The following RALGAPA2 variants were observed in gnomAD, a reference collection of about 807,000 sequenced individuals.
RALGAPA2 encodes Ral GTPase activating protein catalytic subunit alpha 2.
Under a neutral mutation model 230.4 loss-of-function variants are expected in RALGAPA2, and 139 were observed. That is an observed-to-expected ratio of 0.60 (90% CI 0.53 to 0.69). The LOEUF is 0.69. RALGAPA2 is among the 30% of genes least tolerant of loss of function. RALGAPA2 has a pLI of 0.00. For missense variants in RALGAPA2, 2,163 were observed against 2,276.0 expected (o/e 0.95, Z 1.01); for synonymous variants, 847 against 837.8 (o/e 1.01, Z -0.19).
intron 6 of RALGAPA2, 142 bp downstream of exon 6, chr20:20,640,559 A>G: frequency 3.8e-6 from 3 of 790,268 alleles, no homozygotes; most frequent in Non-Finnish European, 5.9e-6. Flanking sequence ...AAGGTATGTA[A>G]GAATCTACAG....
intron 38 of RALGAPA2, among the ~76,000 whole-genome samples, chr20:20,400,233 G>A (rs545865003): frequency 4.6e-5 from 7 of 152,344 alleles, no homozygotes; most frequent in Admixed American, 1.3e-4. Context: ...ATGGCCCAAG[G>A]ATGGCTTCCA....
At chr20:20,667,903 G>A (rs1185146014) in intron 3 of RALGAPA2, among the ~76,000 whole-genome samples, 1 of 152,102 alleles carries the variant, frequency 6.6e-6, no homozygotes, top group Non-Finnish European at 1.5e-5. Context: ...TTTGCAGAGG[G>A]TCACTTTGGA....
At chr20:20,435,860 G>A (rs1408702981) in intron 37 of RALGAPA2, among the ~76,000 whole-genome samples, 4 of 152,204 alleles carry the variant, frequency 2.6e-5, no homozygotes, top group Non-Finnish European at 4.4e-5. Context: ...TCTGGATTGA[G>A]CTCACATGGA....
At chr20:20,698,086 A>G (rs2069188074) in intron 1 of RALGAPA2, among the ~76,000 whole-genome samples, 1 of 152,096 alleles carries the variant, frequency 6.6e-6, no homozygotes, top group South Asian at 2.1e-4. Flanking sequence ...AGAAAAAAAA[A>G]AGCCTAGTCT....
intron 31 of RALGAPA2, among the ~76,000 whole-genome samples, chr20:20,520,431 TG>T (rs926944609): frequency 2.0e-5 from 3 of 152,238 alleles, no homozygotes; most frequent in Admixed American, 2.0e-4. Context: ...CTCTCTGCTA[TG>T]AGCAGAGCAA....
intron 37 of RALGAPA2, among the ~76,000 whole-genome samples, chr20:20,456,617 G>C (rs567112217): frequency 8.3e-4 from 126 of 152,338 alleles, no homozygotes; most frequent in Middle Eastern, 3.4e-3. Context: ...TCAGAAGCCT[G>C]ACTGCTGCGA....
intron 15 of RALGAPA2, among the ~76,000 whole-genome samples, chr20:20,604,568 T>C (rs6035659): frequency 0.041 from 6,319 of 152,282 alleles, 170 homozygotes; most frequent in African/African-American, 0.065. Context: ...TCAATCACTG[T>C]AAGGCAACCT....
chr20:20,700,436 C>A (rs117613417), intron 1 of RALGAPA2, among the ~76,000 whole-genome samples: 1 of 152,072 alleles, frequency 6.6e-6, no homozygotes, highest in African/African-American at 2.4e-5. Flanking sequence ...TGCACATGTA[C>A]CCCCTGTACC....
chr20:20,544,687 G>C (rs1427786753), intron 24 of RALGAPA2, among the ~76,000 whole-genome samples: 1 of 152,168 alleles, frequency 6.6e-6, no homozygotes, highest in Non-Finnish European at 1.5e-5. Flanking sequence ...ATACTGTGCA[G>C]CCACAAAAAA....
chr20:20,651,276 A>G (rs2067386522), intron 4 of RALGAPA2, among the ~76,000 whole-genome samples: 1 of 152,148 alleles, frequency 6.6e-6, no homozygotes, highest in African/African-American at 2.4e-5. Context: ...ACCAATTTCC[A>G]CCCAATATGA....
intron 3 of RALGAPA2, among the ~76,000 whole-genome samples, chr20:20,658,746 T>C (rs2067673525): frequency 6.6e-6 from 1 of 152,122 alleles, no homozygotes. Context: ...CCAGGAATAA[T>C]GTGAAATGTA....
intron 36 of RALGAPA2, among the ~76,000 whole-genome samples, chr20:20,476,674 A>AAAATAAAT (rs557603048): frequency 0.077 from 10,691 of 139,312 alleles, 469 homozygotes; most frequent in East Asian, 0.11. Flanking sequence ...CATAAATCAT[A>AAAATAAAT]AAATAAATAA....
chr20:20,665,520 A>G (rs1051344226), intron 3 of RALGAPA2, among the ~76,000 whole-genome samples: 3 of 152,238 alleles, frequency 2.0e-5, no homozygotes, highest in Non-Finnish European at 2.9e-5. Context: ...TTTCTCACCT[A>G]TAAGTCTTGA....
At position 20,584,930 on chromosome 20, in the gene RALGAPA2, G is replaced by A. The variant is rs755750654; in HGVS notation, c.2465C>T (p.Pro822Leu). Residue 822 changes from proline to leucine, a missense_variant, in exon 19 of 40, where the codon CCT becomes CTT. Physicochemically the swap from Pro to Leu is moderately conservative, Grantham distance 98 (BLOSUM62 -3). Transcript: ENST00000202677. ...ATCATCTTTCAAATCCAATTCAGCA[G>A]GGCTGCTGCTTCTTCGAACTAAGAT... ...ITILVRRSSS[P>L]AELDLKDDLQ... 6.2e-6 allele frequency: 10 copies of A among 1,610,672 alleles called. No individual in the cohort carries two copies. Among genetic ancestry groups the A allele is most frequent in the Middle Eastern group, 1.6e-4 (1 of 6,068 alleles).
intron 37 of RALGAPA2, among the ~76,000 whole-genome samples, chr20:20,459,677 AT>A (rs1432538449): frequency 6.6e-6 from 1 of 152,178 alleles, no homozygotes; most frequent in Admixed American, 6.5e-5. Context: ...ATGGACACCA[AT>A]ATAATAAATT....
At chr20:20,584,764 G>A (rs2065083305) in intron 19 of RALGAPA2, 101 bp downstream of exon 19, 2 of 944,714 alleles carry the variant, frequency 2.1e-6, no homozygotes, top group Non-Finnish European at 3.1e-6. Context: ...CTGGGCGAAA[G>A]AGTGAGACTG....
intron 37 of RALGAPA2, among the ~76,000 whole-genome samples, chr20:20,413,269 AC>A (rs1276209743): frequency 1.3e-5 from 2 of 152,248 alleles, no homozygotes; most frequent in Non-Finnish European, 2.9e-5. Flanking sequence ...CTTTAAAAAT[AC>A]AAGTTGGTGA....
rs75265323 is a variant in RALGAPA2 at position 20,603,003 on chromosome 20, A to G, written c.2039-1157T>C. Among the ~76,000 whole-genome samples the G allele has an allele frequency of 1.4e-4, 22 of 152,252 alleles. No individual in the cohort carries two copies. The East Asian group carries it at 4.3e-3, about 29-fold the overall frequency. On this transcript the variant is annotated intron_variant, in intron 15 of 39. Transcript: ENST00000202677. ...GACTGTCTTAGGGAGGCAAGTTCCT[A>G]GTTGGAAGTATCTGGGTCCTCTCAG...
intron 37 of RALGAPA2, among the ~76,000 whole-genome samples, chr20:20,419,802 T>A (rs1392190352): frequency 6.6e-6 from 1 of 152,180 alleles, no homozygotes; most frequent in African/African-American, 2.4e-5. Context: ...GGCTGTGCTA[T>A]TTTCAAAAAG....
Sources: gnomAD v4.1 joint callset for allele counts (sites outside exome capture counted in the v4.1 genomes callset) on GRCh38, gnomAD v4.1.1 for gene constraint, MANE v1.5 for transcripts, NCBI Gene and HGNC (gene_info 2026-07-23, HGNC 2026-07-21) for gene names.